Variants in RAPGEF2 observed in about 807,000 individuals in gnomAD.
RAPGEF2 encodes PDZ domain containing guanine nucleotide exchange factor (GEF) 1.
In RAPGEF2, 54 loss-of-function variants were observed where a neutral mutation model predicts 186.7. The observed-to-expected ratio is 0.29, with a 90% CI of 0.23 to 0.36. The LOEUF is 0.36. Ranked by LOEUF, RAPGEF2 falls within the 10% of genes least tolerant of loss-of-function variation. RAPGEF2 has a pLI of 1.00. For synonymous variants in RAPGEF2, 712 were observed against 705.9 expected (o/e 1.01, Z -0.14); for missense variants, 1,532 against 2,045.0 (o/e 0.75, Z 4.84).
At chr4:159,347,866 C>T (rs1167291600) in intron 25 of RAPGEF2, among the ~76,000 whole-genome samples, 1 of 152,026 alleles carries the variant, frequency 6.6e-6, no homozygotes, top group African/African-American at 2.4e-5. Flanking sequence ...AAATGTACAC[C>T]TTCTTTTTTT....
intron 4 of RAPGEF2, among the ~76,000 whole-genome samples, chr4:159,232,807 A>G (rs77979788): frequency 0.054 from 8,157 of 152,134 alleles, 738 homozygotes; most frequent in African/African-American, 0.18. Flanking sequence ...TGCTTTCTTG[A>G]AAAAGGGAAA....
Position 159,266,290 on chromosome 4 carries a change from CT to C in RAPGEF2, c.543+22502del, listed in dbSNP as rs777018744. ...GGAAAGAGAATAGGGTGGGTACAGT[CT>C]TTGGCAGTAGTCAAGAAACACAAGT... On this transcript the variant is annotated intron_variant, in intron 7 of 29. Coordinates refer to ENST00000691494, the MANE Select transcript of RAPGEF2 (RefSeq NM_001394067.2). 8.7e-4 allele frequency among the ~76,000 whole-genome samples: 133 copies of C among 152,206 alleles called. 1 individual carries two copies. Among genetic ancestry groups the C allele is most frequent in the Admixed American group, 3.4e-3 (52 of 15,284 alleles).
At chr4:159,290,933 A>G (rs1003661078) in intron 7 of RAPGEF2, among the ~76,000 whole-genome samples, 13 of 152,226 alleles carry the variant, frequency 8.5e-5, no homozygotes, top group Non-Finnish European at 1.5e-4. Context: ...GGGTTGACAC[A>G]TGAAGCCTTT....
rs750738857 is a variant in RAPGEF2, at chr4:159,339,289, A to T, written c.2469A>T (p.Val823=). Residue 823 remains valine (V), a synonymous_variant, in exon 19 of 30, where the codon GTA becomes GTT. Coordinates refer to ENST00000691494, the MANE Select transcript of RAPGEF2 (RefSeq NM_001394067.2). ...AGGTCTCTGTCACACCTGAGGGAGT[A>T]ATCAAACAAAGAAGACTTCCAGATC... ...LCEVSVTPEG[V]IKQRRLPDQL... is the part of the protein sequence containing the mutation. 2.5e-6 allele frequency: 4 copies of T among 1,614,016 alleles called. No homozygotes were observed. In the African/African-American group the frequency reaches 5.3e-5, roughly 22 times the overall value.
chr4:159,126,009 G>A (rs1740260325), intron 1 of RAPGEF2, among the ~76,000 whole-genome samples: 1 of 152,126 alleles, frequency 6.6e-6, no homozygotes, highest in African/African-American at 2.4e-5. Context: ...ACTACAATGT[G>A]TCTGCTATCA....
intron 17 of RAPGEF2, among the ~76,000 whole-genome samples, chr4:159,335,565 G>T (rs1184723027): frequency 6.6e-6 from 1 of 152,156 alleles, no homozygotes; most frequent in African/African-American, 2.4e-5. Flanking sequence ...GTTCTTAAAG[G>T]TTGAGTGCGC....
chr4:159,257,607 A>G (rs114091660), intron 7 of RAPGEF2, among the ~76,000 whole-genome samples: 1,675 of 152,304 alleles, frequency 0.011, 28 homozygotes, highest in African/African-American at 0.038. Context: ...TAATTTTTGT[A>G]AAAGGTGTAA....
At chr4:159,181,680 C>T (rs1747026240) in intron 1 of RAPGEF2, among the ~76,000 whole-genome samples, 1 of 149,900 alleles carries the variant, frequency 6.7e-6, no homozygotes, top group Non-Finnish European at 1.5e-5. Flanking sequence ...GAACTACAGG[C>T]ATGCATCACC....
chr4:159,197,971 C>T (rs1052825386), intron 3 of RAPGEF2, among the ~76,000 whole-genome samples: 11 of 152,238 alleles, frequency 7.2e-5, no homozygotes, highest in African/African-American at 7.2e-5. Flanking sequence ...TTCTTCCTGC[C>T]GCGTTTCTGA....
chr4:159,163,929 G>C (rs543662181), intron 1 of RAPGEF2, among the ~76,000 whole-genome samples: 35 of 152,224 alleles, frequency 2.3e-4, no homozygotes, highest in South Asian at 2.1e-4. Context: ...ACATATCAGG[G>C]CTACTTGTGA....
intron 2 of RAPGEF2, among the ~76,000 whole-genome samples, chr4:159,188,095 T>A (rs969132930): frequency 2.6e-5 from 4 of 152,200 alleles, no homozygotes; most frequent in African/African-American, 9.6e-5. Context: ...GCAAGAATAA[T>A]TTTTAAAGTG....
chr4:159,315,353 C>A (rs989893256), intron 9 of RAPGEF2, among the ~76,000 whole-genome samples: 1 of 151,092 alleles, frequency 6.6e-6, no homozygotes, highest in East Asian at 1.9e-4. Context: ...AGGTCTGTTA[C>A]ATAGGAAAAC....
chr4:159,118,147 G>A (rs1739253899), intron 1 of RAPGEF2, among the ~76,000 whole-genome samples: 1 of 152,208 alleles, frequency 6.6e-6, no homozygotes, highest in Non-Finnish European at 1.5e-5. Context: ...TGGTAGGTGA[G>A]AGAGTGAAGC....
chr4:159,226,144 T>C (rs1328244664), intron 4 of RAPGEF2, among the ~76,000 whole-genome samples: 2 of 152,128 alleles, frequency 1.3e-5, no homozygotes, highest in African/African-American at 4.8e-5. Context: ...TCTATTTTGA[T>C]TTAATTTTTG....
intron 7 of RAPGEF2, among the ~76,000 whole-genome samples, chr4:159,302,357 CTA>C (rs773331813): frequency 1.3e-5 from 2 of 152,106 alleles, no homozygotes; most frequent in African/African-American, 4.8e-5. Flanking sequence ...AAAAATCACA[CTA>C]TGTTGCATGT....
At chr4:159,205,362 TTTA>T (rs1482180574) in intron 3 of RAPGEF2, among the ~76,000 whole-genome samples, 1 of 152,154 alleles carries the variant, frequency 6.6e-6, no homozygotes, top group African/African-American at 2.4e-5. Context: ...GTCTTAGATA[TTTA>T]TTATTATTAC....
chr4:159,277,908 G>A (rs1046452902), intron 7 of RAPGEF2, among the ~76,000 whole-genome samples: 3 of 152,098 alleles, frequency 2.0e-5, no homozygotes, highest in Non-Finnish European at 4.4e-5. Flanking sequence ...TTCTTTTGCT[G>A]TGCAGAAGCT....
chr4:159,334,022 A>T (rs1305071062), intron 17 of RAPGEF2, among the ~76,000 whole-genome samples: 1 of 152,206 alleles, frequency 6.6e-6, no homozygotes, highest in Admixed American at 6.5e-5. Context: ...CTATAGAGTA[A>T]TGATTGGTGG....
intron 2 of RAPGEF2, among the ~76,000 whole-genome samples, chr4:159,192,636 C>T (rs1409906141): frequency 2.0e-5 from 3 of 151,976 alleles, no homozygotes; most frequent in Admixed American, 6.6e-5. Context: ...TTTATAATTT[C>T]GTAATTTTTT....
Sources: allele counts gnomAD v4.1 joint callset (sites outside exome capture counted in the v4.1 genomes callset), GRCh38; gene constraint gnomAD v4.1.1; transcripts MANE v1.5; gene names NCBI Gene and HGNC (gene_info 2026-07-23, HGNC 2026-07-21).